The following ABCA10 variants were observed in gnomAD, a reference collection of about 807,000 sequenced individuals.
The protein encoded by ABCA10 is ATP-binding cassette sub-family A member 10.
In ABCA10, 169 loss-of-function variants were observed where a neutral mutation model predicts 187.5. The ratio of observed to expected loss-of-function variants is 0.90; its 90% CI spans 0.80 to 1.02. ABCA10 has a LOEUF of 1.02. Ranked by LOEUF, ABCA10 falls within the 50% of genes least tolerant of loss-of-function variation. The pLI, the probability that ABCA10 is intolerant of heterozygous loss-of-function variation, is 0.00. For missense variants in ABCA10, 1,727 were observed against 1,812.4 expected, an observed-to-expected ratio of 0.95 and a Z score of 0.86; for synonymous variants, 574 against 601.8, an observed-to-expected ratio of 0.95 and a Z score of 0.68.
intron 6 of ABCA10, among the ~76,000 whole-genome samples, chr17:69,217,025 T>G (rs559470306): frequency 6.6e-6 from 1 of 152,104 alleles, no homozygotes; most frequent in African/African-American, 2.4e-5. Context: ...GGCAGGTGGA[T>G]TGCCTGAGTC....
At chr17:69,152,627 A>G in intron 34 of ABCA10, 146 bp from the exon 35 acceptor site, 1 of 1,181,128 alleles carries the variant, frequency 8.5e-7, no homozygotes, top group Non-Finnish European at 1.1e-6. Context: ...CTCCACAAAA[A>G]AATTTAAAAA....
rs887131161 is a variant in ABCA10, at chr17:69,154,062, C to T, written c.3787-53G>A. The stretch of plus-strand genomic sequence containing the variant: ...ACCTTTGGTTTTTGCTCCAATCCCC[C>T]TTCTACTAAAGGAGATAAAAGTGGC... On this transcript the variant is annotated intron_variant, in intron 31 of 38. Transcript: ENST00000690296. The T allele has an allele frequency of 7.7e-5, 122 of 1,584,676 alleles. No homozygotes were observed. In the Middle Eastern group the frequency reaches 1.9e-3, roughly 24 times the overall value.
chr17:69,162,031 A>G (rs961746880), intron 27 of ABCA10, among the ~76,000 whole-genome samples: 3 of 152,256 alleles, frequency 2.0e-5, no homozygotes, highest in Non-Finnish European at 4.4e-5. Context: ...TTAACAGCAG[A>G]AACAATAGTC....
chr17:69,214,202 A>C (rs1275588090), intron 9 of ABCA10, among the ~76,000 whole-genome samples: 1 of 152,254 alleles, frequency 6.6e-6, no homozygotes, highest in Non-Finnish European at 1.5e-5. Context: ...AGTTCTTTTT[A>C]ATTAAAATGA....
intron 1 of ABCA10, among the ~76,000 whole-genome samples, chr17:69,240,731 C>G (rs1435056288): frequency 3.9e-5 from 6 of 152,216 alleles, no homozygotes; most frequent in Non-Finnish European, 8.8e-5. Flanking sequence ...TTGTCTTCCT[C>G]TTTCCCAGCA....
Position 69,152,548 on chromosome 17 carries a change from A to AGCAGG in ABCA10, c.4137-72_4137-68dup, listed in dbSNP as rs1382859287. ...TTGGGGAAATAGATAAATAGAAAAA[A>AGCAGG]GCAGGAAATCTAAAGAGAAAATGTT... On this transcript the variant is annotated intron_variant, in intron 34 of 38. Coordinates refer to ENST00000690296, the MANE Select transcript of ABCA10 (RefSeq NM_001377321.1). 3 of 1,541,318 alleles carry AGCAGG rather than the reference A, an allele frequency of 1.9e-6. No homozygotes were observed. The African/African-American group carries it at 4.1e-5, about 21-fold the overall frequency.
chr17:69,155,995 T>C, intron 28 of ABCA10, 70 bp from the exon 29 acceptor site: 1 of 1,455,966 alleles, frequency 6.9e-7, no homozygotes, highest in South Asian at 1.4e-5. Context: ...TGTAAACCCC[T>C]ATAATTAAAT....
intron 9 of ABCA10, among the ~76,000 whole-genome samples, chr17:69,207,477 G>A (rs1450432842): frequency 6.6e-6 from 1 of 151,946 alleles, no homozygotes; most frequent in Non-Finnish European, 1.5e-5. Context: ...GTCAAGATAT[G>A]AAAACAACAA....
chr17:69,172,300 C>T (rs1055274618), intron 25 of ABCA10, among the ~76,000 whole-genome samples: 15 of 152,108 alleles, frequency 9.9e-5, no homozygotes, highest in African/African-American at 3.6e-4. Flanking sequence ...CCCAGTAGCT[C>T]AGAACATGAC....
chr17:69,221,961 T>TA, intron 4 of ABCA10, 66 bp from the exon 5 acceptor site: 1 of 1,224,338 alleles, frequency 8.2e-7, no homozygotes, highest in Non-Finnish European at 1.1e-6. Flanking sequence ...ATTAAAACTT[T>TA]AACTTTGGCT....
At position 69,154,928 on chromosome 17, in the gene ABCA10, T is replaced by C; in HGVS notation, c.3694+91A>G. On this transcript the variant is annotated intron_variant, in intron 30 of 38. Coordinates refer to ENST00000690296, the MANE Select transcript of ABCA10 (RefSeq NM_001377321.1). ...CACATTAACCAGGATATATGAACAG[T>C]CTCAATGAATAAAAATTTGTCCCCT... The C allele has an allele frequency of 4.8e-6, 4 of 836,722 alleles. No homozygotes were observed. In the South Asian group the frequency reaches 7.5e-5, roughly 16 times the overall value. The allele number at this position is 836,722 out of a possible 1,614,324, so 51.8% of individuals were successfully genotyped here.
At chr17:69,154,997 TA>T in intron 30 of ABCA10, 21 bp downstream of exon 30, 1 of 1,499,462 alleles carries the variant, frequency 6.7e-7, no homozygotes, top group Non-Finnish European at 9.2e-7. Flanking sequence ...ATAATAATAA[TA>T]AAAGGAACAA....
chr17:69,238,474 C>A (rs1007338264), intron 1 of ABCA10, among the ~76,000 whole-genome samples: 1 of 152,178 alleles, frequency 6.6e-6, no homozygotes, highest in African/African-American at 2.4e-5. Context: ...AGAGACATGA[C>A]AGATAGGTCT....
rs1197976186 is a variant in ABCA10, at chr17:69,192,611, C to T, written c.1823G>A (p.Gly608Glu). 10 of 1,613,500 alleles carry T rather than the reference C, an allele frequency of 6.2e-6. No individual in the cohort carries two copies. The highest frequency in any genetic ancestry group is 2.2e-5 in the East Asian group (1 of 44,816). The change falls in exon 16 of 39, where the codon GGA becomes GAA. Residue 608 changes from glycine (G) to glutamate (E), a missense_variant. By Grantham distance (98) the Gly-to-Glu change is moderately conservative (BLOSUM62 -2). Transcript: ENST00000690296. ...CTTTCGCTTCAGAAACAAAGATGAT[C>T]CTGCACATTTCAACTTCCCATTAGA... ...FLSNGKLKCA[G>E]SSLFLKRKWG...
intron 1 of ABCA10, among the ~76,000 whole-genome samples, chr17:69,238,404 A>C (rs1280189732): frequency 6.6e-6 from 1 of 152,208 alleles, no homozygotes; most frequent in Admixed American, 6.5e-5. Flanking sequence ...ATAGGTCAAG[A>C]AAACAATGGG....
intron 9 of ABCA10, among the ~76,000 whole-genome samples, chr17:69,211,768 C>T (rs1003492755): frequency 1.3e-5 from 2 of 152,066 alleles, no homozygotes; most frequent in South Asian, 2.1e-4. Context: ...AGTTTTTGCA[C>T]ATAAAGGTGT....
In ABCA10 at chr17:69,162,838, CATATAT is replaced by C. The variant is rs376385505; in HGVS notation, c.3363+1230_3363+1235del. Among the ~76,000 whole-genome samples, 80 of 120,836 alleles carry C rather than the reference CATATAT, an allele frequency of 6.6e-4. 1 individual carries two copies. The highest frequency in any genetic ancestry group is 7.5e-4 in the East Asian group (3 of 4,020). 79.3% of individuals were successfully genotyped at this position (120,836 alleles called of 152,430 possible). On this transcript the variant is annotated intron_variant, in intron 27 of 38. Coordinates refer to ENST00000690296, the MANE Select transcript of ABCA10 (RefSeq NM_001377321.1). ...ACATATACATATACATATACATATA[CATATAT>C]ATATATATATATGAGACGGAGTCTC...
intron 22 of ABCA10, among the ~76,000 whole-genome samples, chr17:69,176,964 G>A (rs2074339587): frequency 6.6e-6 from 1 of 152,020 alleles, no homozygotes; most frequent in African/African-American, 2.4e-5. Context: ...CTACTTGGGT[G>A]TACTGCTTAA....
At chr17:69,223,780 T>C (rs73361956) in intron 3 of ABCA10, 11 of 361,878 alleles carry the variant, frequency 3.0e-5, no homozygotes, top group East Asian at 2.7e-4. Flanking sequence ...GTTAGATAAA[T>C]GTAGAATAAG....
Sources: gnomAD v4.1 joint callset for allele counts (sites outside exome capture counted in the v4.1 genomes callset) on GRCh38, gnomAD v4.1.1 for gene constraint, MANE v1.5 for transcripts, NCBI Gene and HGNC (gene_info 2026-07-23, HGNC 2026-07-21) for gene names.